The following ACVR1 variants were observed in gnomAD, a reference collection of about 807,000 sequenced individuals.
The protein encoded by ACVR1 is activin receptor type-1.
A neutral mutation model predicts 57.1 loss-of-function variants in ACVR1; 38 were observed. The ratio of observed to expected loss-of-function variants is 0.67; its 90% CI spans 0.51 to 0.87. ACVR1 has a LOEUF of 0.87. Among genes scored for constraint, ACVR1 ranks in the 40% least tolerant of loss-of-function variants. ACVR1 has a pLI of 0.00. For synonymous variants in ACVR1, 212 were observed against 228.1 expected, an observed-to-expected ratio of 0.93 and a Z score of 0.63; for missense variants, 463 against 638.2, an observed-to-expected ratio of 0.73 and a Z score of 2.96.
At position 157,863,336 on chromosome 2, in the gene ACVR1, C is replaced by CTTTTTTTTTTTTTTTTTTT. The variant is rs1161335923; in HGVS notation, c.-183+12441_-183+12459dup. Among the ~76,000 whole-genome samples, 7 of 35,686 alleles carry CTTTTTTTTTTTTTTTTTTT rather than the reference C, an allele frequency of 2.0e-4. 1 individual carries two copies. The highest frequency in any genetic ancestry group is 1.3e-3 in the East Asian group (1 of 784). The allele number at this position is 35,686 out of a possible 152,430, so 23.4% of individuals were successfully genotyped here. The stretch of plus-strand genomic sequence containing the variant: ...CCTATAGAACAGTTAAATTGTTTCT[C>CTTTTTTTTTTTTTTTTTTT]TTTTTTTTTTTTTTTTTTTTTTTTT... On this transcript the variant is annotated intron_variant, in intron 1 of 10. Transcript: ENST00000434821.
At chr2:157,853,960 G>A (rs550272833) in intron 1 of ACVR1, among the ~76,000 whole-genome samples, 2 of 152,256 alleles carry the variant, frequency 1.3e-5, no homozygotes, top group African/African-American at 2.4e-5. Flanking sequence ...CCCTAACGCA[G>A]GTTAAGTTTC....
At chr2:157,830,583 T>G (rs1688546909) in intron 1 of ACVR1, among the ~76,000 whole-genome samples, 1 of 152,126 alleles carries the variant, frequency 6.6e-6, no homozygotes, top group African/African-American at 2.4e-5. Context: ...TACTCTAACA[T>G]TTTAGGACAT....
intron 1 of ACVR1, among the ~76,000 whole-genome samples, chr2:157,863,336 C>CTCTTTT (rs1689795689): frequency 2.8e-5 from 1 of 35,670 alleles, no homozygotes; most frequent in Admixed American, 6.0e-4. Flanking sequence ...AATTGTTTCT[C>CTCTTTT]TTTTTTTTTT....
At chr2:157,816,622 T>A (rs978510183) in intron 2 of ACVR1, among the ~76,000 whole-genome samples, 2 of 151,860 alleles carry the variant, frequency 1.3e-5, no homozygotes, top group Admixed American at 1.3e-4. Context: ...ATAATAATAA[T>A]AATAAGGCTG....
At chr2:157,808,671 G>A (rs527702088) in intron 2 of ACVR1, among the ~76,000 whole-genome samples, 3 of 152,082 alleles carry the variant, frequency 2.0e-5, no homozygotes, top group Non-Finnish European at 4.4e-5. Flanking sequence ...GACAGCGTCT[G>A]TCTCTTGAAT....
chr2:157,860,891 A>G (rs900001264), intron 1 of ACVR1, among the ~76,000 whole-genome samples: 9 of 152,164 alleles, frequency 5.9e-5, no homozygotes, highest in African/African-American at 2.2e-4. Flanking sequence ...ACTGCTGCAA[A>G]GCTGATTCTG....
At chr2:157,796,221 CAA>C (rs71404304) in intron 3 of ACVR1, among the ~76,000 whole-genome samples, 15 of 119,800 alleles carry the variant, frequency 1.3e-4, no homozygotes, top group Middle Eastern at 4.3e-3. Flanking sequence ...GACTCTGCCT[CAA>C]AAAAAAAAAA....
intron 1 of ACVR1, among the ~76,000 whole-genome samples, chr2:157,865,504 C>T (rs1273508586): frequency 3.3e-5 from 5 of 152,094 alleles, no homozygotes. Flanking sequence ...GATAGACAGA[C>T]AGATAGGCAG....
intron 7 of ACVR1, 52 bp downstream of exon 7, chr2:157,770,316 A>G (rs1686023887): frequency 6.3e-7 from 1 of 1,598,878 alleles, no homozygotes; most frequent in Non-Finnish European, 8.6e-7. Context: ...GCAAAGGCAG[A>G]CAATTGTTTC....
chr2:157,798,265 G>A (rs1415573334), intron 3 of ACVR1, among the ~76,000 whole-genome samples: 1 of 151,764 alleles, frequency 6.6e-6, no homozygotes, highest in East Asian at 1.9e-4. Flanking sequence ...CATATAACTA[G>A]TATATAAATC....
intron 2 of ACVR1, among the ~76,000 whole-genome samples, chr2:157,816,435 G>A (rs1488613736): frequency 5.2e-5 from 7 of 135,922 alleles, no homozygotes; most frequent in African/African-American, 1.1e-4. Flanking sequence ...AAAAACAAAC[G>A]ACAAAAAAAA....
chr2:157,770,402 G>A lies in ACVR1; in HGVS notation c.756C>T (p.Tyr252=), dbSNP rs1352997613. Residue 252 remains tyrosine, a synonymous_variant, in exon 7 of 11, where the codon TAC becomes TAT. Coordinates refer to ENST00000434821, the MANE Select transcript of ACVR1 (RefSeq NM_001111067.4). ...TTTCATGCCTCAGCATCACAGTGTT[G>A]TACAATTCCGTTTCCCTGAACCATG... ...EKSWFRETEL[Y]NTVMLRHENI... The A allele has an allele frequency of 2.5e-6, 4 of 1,613,974 alleles. No individual in the cohort carries two copies. Among genetic ancestry groups the A allele is most frequent in the African/African-American group, 2.7e-5 (2 of 74,918 alleles).
chr2:157,832,015 T>A (rs1195525592), intron 1 of ACVR1, among the ~76,000 whole-genome samples: 2 of 152,174 alleles, frequency 1.3e-5, no homozygotes, highest in Non-Finnish European at 2.9e-5. Context: ...AGACCTCGAG[T>A]ACATGCTGGG....
chr2:157,767,586 A>G (rs2105262735), intron 7 of ACVR1, among the ~76,000 whole-genome samples: 1 of 152,354 alleles, frequency 6.6e-6, no homozygotes, highest in East Asian at 1.9e-4. Flanking sequence ...TAAATGACTT[A>G]TGAAAATGTA....
intron 1 of ACVR1, among the ~76,000 whole-genome samples, chr2:157,822,681 C>A (rs1688199947): frequency 6.6e-6 from 1 of 152,196 alleles, no homozygotes; most frequent in Non-Finnish European, 1.5e-5. Context: ...CGGGCAAAAT[C>A]CAGCCCACAG....
At chr2:157,872,480 A>G (rs528953485) in intron 1 of ACVR1, among the ~76,000 whole-genome samples, 2 of 152,204 alleles carry the variant, frequency 1.3e-5, no homozygotes, top group African/African-American at 4.8e-5. Context: ...TGTGTCTCCC[A>G]TAACTACAGC....
intron 1 of ACVR1, among the ~76,000 whole-genome samples, chr2:157,827,559 A>C (rs375728830): frequency 6.0e-4 from 92 of 152,330 alleles, no homozygotes; most frequent in African/African-American, 2.1e-3. Flanking sequence ...ATAGTCTCTT[A>C]CTTATCTCTG....
At chr2:157,830,000 C>A (rs1381293367) in intron 1 of ACVR1, among the ~76,000 whole-genome samples, 1 of 152,132 alleles carries the variant, frequency 6.6e-6, no homozygotes, top group Non-Finnish European at 1.5e-5. Flanking sequence ...AGGTGGATCA[C>A]CTGAAGTCAG....
rs963161283 is a variant in ACVR1, at chr2:157,842,255, T to C, written c.-182-23696A>G. On this transcript the variant is annotated intron_variant, in intron 1 of 10. Coordinates refer to ENST00000434821, the MANE Select transcript of ACVR1 (RefSeq NM_001111067.4). ...CTGGCACACAGCTGATGTTCTAACA[T>C]GTGGATGGATCTCTCTTCCAACCAA... is the stretch of plus-strand genomic sequence containing the variant. Among the ~76,000 whole-genome samples, 4 of 152,260 alleles carry C rather than the reference T, an allele frequency of 2.6e-5. No individual in the cohort carries two copies. The East Asian group carries it at 5.8e-4, about 22-fold the overall frequency.
Sources: allele counts gnomAD v4.1 joint callset (sites outside exome capture counted in the v4.1 genomes callset), GRCh38; gene constraint gnomAD v4.1.1; transcripts MANE v1.5; gene names NCBI Gene and HGNC (gene_info 2026-07-23, HGNC 2026-07-21).